CRACD: variants seen among roughly 807,000 people sequenced by gnomAD.
The protein encoded by CRACD is capping protein inhibiting regulator of actin dynamics.
CRACD carries 56 observed loss-of-function variants against 106.8 expected under a neutral mutation model. That is an observed-to-expected ratio of 0.52 (90% CI 0.42 to 0.66). CRACD has a LOEUF of 0.66. Ranked by LOEUF, CRACD falls within the 30% of genes least tolerant of loss-of-function variation. The pLI is 0.00. For missense variants in CRACD, 1,730 were observed against 1,623.2 expected (o/e 1.07, Z -1.13); for synonymous variants, 754 against 670.8 (o/e 1.12, Z -1.92).
chr4:56,051,403 TG>T (rs1731869332), intron 1 of CRACD, among the ~76,000 whole-genome samples: 1 of 152,176 alleles, frequency 6.6e-6, no homozygotes. Context: ...TGGGGTCTCT[TG>T]GGTGGTTTTT....
At chr4:56,275,542 C>T (rs1036515200) in intron 3 of CRACD, among the ~76,000 whole-genome samples, 2 of 152,156 alleles carry the variant, frequency 1.3e-5, no homozygotes, top group Admixed American at 6.5e-5. Context: ...AGTAATTTCA[C>T]CTACAAAGTA....
At chr4:56,215,070 C>T (rs557824923) in intron 2 of CRACD, among the ~76,000 whole-genome samples, 21 of 152,214 alleles carry the variant, frequency 1.4e-4, no homozygotes, top group South Asian at 6.2e-4. Context: ...AGTGCAGTGG[C>T]GCAGTCATAG....
chr4:56,270,921 AAC>A (rs35109908), intron 2 of CRACD, among the ~76,000 whole-genome samples: 63,642 of 145,394 alleles, frequency 0.44, 14,003 homozygotes, highest in Admixed American at 0.56. Context: ...GTCTCTACTA[AAC>A]ACACACACAC....
chr4:56,239,895 C>T lies in CRACD; in HGVS notation c.-188-32426C>T, dbSNP rs147721687. Among the ~76,000 whole-genome samples, 1,181 of 152,074 alleles carry T rather than the reference C, an allele frequency of 7.8e-3. 20 individuals carry two copies. The highest frequency in any genetic ancestry group is 0.027 in the African/African-American group (1,124 of 41,440). ...ACTTCTAGAATATGCACACTTTAGACAGTACAGATGAACATCTGTTCTGCT... is the reference window on the plus strand; with the variant it reads ...ACTTCTAGAATATGCACACTTTAGATAGTACAGATGAACATCTGTTCTGCT... On this transcript the variant is annotated intron_variant, in intron 2 of 10. Transcript: ENST00000682029.
chr4:56,110,416 C>CA (rs1343430209), intron 1 of CRACD, among the ~76,000 whole-genome samples: 5 of 152,070 alleles, frequency 3.3e-5, no homozygotes, highest in Non-Finnish European at 7.3e-5. Flanking sequence ...GGAAATAGTG[C>CA]ATTTACCATG....
intron 8 of CRACD, among the ~76,000 whole-genome samples, chr4:56,319,486 C>T (rs1194627747): frequency 3.3e-5 from 5 of 152,008 alleles, no homozygotes; most frequent in Non-Finnish European, 1.5e-5. Context: ...CACCTGTGGT[C>T]CCATCTACTT....
intron 2 of CRACD, among the ~76,000 whole-genome samples, chr4:56,195,439 AC>A (rs1360601564): frequency 1.3e-5 from 2 of 152,132 alleles, no homozygotes; most frequent in Admixed American, 6.5e-5. Context: ...TGTAAGAAAG[AC>A]TAAAAAAAAA....
chr4:56,071,666 C>T (rs558420526), intron 1 of CRACD, among the ~76,000 whole-genome samples: 5 of 152,094 alleles, frequency 3.3e-5, no homozygotes, highest in Admixed American at 3.3e-4. Flanking sequence ...TGTGCCACCA[C>T]GTCCGGCTAA....
intron 1 of CRACD, among the ~76,000 whole-genome samples, chr4:56,077,762 A>T (rs1437713440): frequency 6.6e-6 from 1 of 152,166 alleles, no homozygotes; most frequent in Non-Finnish European, 1.5e-5. Context: ...AAAGGTTTTT[A>T]CTCTAATGGG....
At chr4:56,114,594 T>C (rs1290995886) in intron 1 of CRACD, among the ~76,000 whole-genome samples, 3 of 152,170 alleles carry the variant, frequency 2.0e-5, no homozygotes, top group Non-Finnish European at 4.4e-5. Flanking sequence ...TTTTTTTTTC[T>C]TTTAAAATAA....
chr4:56,321,488 C>G (rs1227868408), intron 8 of CRACD, among the ~76,000 whole-genome samples: 1 of 152,184 alleles, frequency 6.6e-6, no homozygotes, highest in African/African-American at 2.4e-5. Flanking sequence ...CCTTCCCAAG[C>G]AAGTTCAGAT....
intron 2 of CRACD, among the ~76,000 whole-genome samples, chr4:56,265,428 G>A (rs1280014739): frequency 2.6e-5 from 4 of 151,782 alleles, no homozygotes; most frequent in South Asian, 2.1e-4. Flanking sequence ...GTGTGTGTGT[G>A]TGTGTGTGTG....
intron 1 of CRACD, among the ~76,000 whole-genome samples, chr4:56,083,048 A>G (rs1733092022): frequency 6.6e-6 from 1 of 152,222 alleles, no homozygotes; most frequent in African/African-American, 2.4e-5. Flanking sequence ...AAGCACACTC[A>G]CACAGACTCT....
intron 1 of CRACD, among the ~76,000 whole-genome samples, chr4:56,063,772 C>A (rs1175855666): frequency 6.6e-6 from 1 of 152,132 alleles, no homozygotes; most frequent in African/African-American, 2.4e-5. Flanking sequence ...TGGGTTGTTT[C>A]TGCCTTTGGG....
intron 1 of CRACD, among the ~76,000 whole-genome samples, chr4:56,131,567 T>G (rs988297284): frequency 6.6e-6 from 1 of 152,210 alleles, no homozygotes; most frequent in African/African-American, 2.4e-5. Context: ...TAGGGCCTGC[T>G]CTTGTGAACA....
At chr4:56,110,659 C>T (rs1734088391) in intron 1 of CRACD, among the ~76,000 whole-genome samples, 2 of 151,984 alleles carry the variant, frequency 1.3e-5, no homozygotes, top group African/African-American at 4.8e-5. Context: ...TGTAGTGGTG[C>T]AATCTTGGCT....
At chr4:56,194,762 A>C (rs994772455) in intron 2 of CRACD, among the ~76,000 whole-genome samples, 2 of 152,212 alleles carry the variant, frequency 1.3e-5, no homozygotes, top group Non-Finnish European at 2.9e-5. Flanking sequence ...TGAGAAATAC[A>C]TAAATTTCTG....
chr4:56,093,522 A>G (rs922618648), intron 1 of CRACD, among the ~76,000 whole-genome samples: 1 of 152,184 alleles, frequency 6.6e-6, no homozygotes, highest in Non-Finnish European at 1.5e-5. Flanking sequence ...GGGCACATGG[A>G]ACCTGGCCTT....
intron 1 of CRACD, among the ~76,000 whole-genome samples, chr4:56,102,557 G>C (rs1241718820): frequency 6.6e-6 from 1 of 152,204 alleles, no homozygotes; most frequent in Non-Finnish European, 1.5e-5. Flanking sequence ...TTTTGGTGCT[G>C]TTAAGGATAG....
Sources: gnomAD v4.1 joint callset for allele counts (sites outside exome capture counted in the v4.1 genomes callset) on GRCh38, gnomAD v4.1.1 for gene constraint, MANE v1.5 for transcripts, NCBI Gene and HGNC (gene_info 2026-07-23, HGNC 2026-07-21) for gene names.